The following ANKRD13B variants were observed in gnomAD, a reference collection of about 807,000 sequenced individuals.
ANKRD13B encodes ankyrin repeat domain 13B.
In ANKRD13B, 33 loss-of-function variants were observed where a neutral mutation model predicts 74.4. The observed-to-expected ratio is 0.44, with a 90% CI of 0.34 to 0.59. ANKRD13B has a LOEUF of 0.59. Ranked by LOEUF, ANKRD13B falls within the 20% of genes least tolerant of loss-of-function variation. The pLI, the probability that ANKRD13B is intolerant of heterozygous loss-of-function variation, is 0.02. For synonymous variants in ANKRD13B, 341 were observed against 362.9 expected (o/e 0.94, Z 0.68); for missense variants, 676 against 877.9 (o/e 0.77, Z 2.91).
intron 8 of ANKRD13B, 96 bp downstream of exon 8, chr17:29,610,862 G>C: frequency 8.2e-7 from 1 of 1,216,840 alleles, no homozygotes; most frequent in South Asian, 1.4e-5. Context: ...TGGCATCCTA[G>C]CAAGAGGCTG....
intron 1 of ANKRD13B, among the ~76,000 whole-genome samples, chr17:29,597,759 T>C (rs1265000842): frequency 6.6e-6 from 1 of 152,098 alleles, no homozygotes; most frequent in African/African-American, 2.4e-5. Flanking sequence ...GGAGCTTGGC[T>C]GAGTGTATGG....
rs1403646075 is a variant in ANKRD13B at position 29,611,614 on chromosome 17, G to A, written c.940G>A (p.Ala314Thr). Residue 314 changes from alanine (A) to threonine (T), a missense_variant, in exon 9 of 15, where the codon GCT becomes ACT. Around this residue, in one of 4 missense-constraint regions of ANKRD13B, gnomAD observed 328 missense variants for 518.4 expected, o/e 0.63. Coordinates refer to ENST00000394859, the MANE Select transcript of ANKRD13B (RefSeq NM_152345.5). This position sits in a 1 kb window ranked among gnomAD's most constrained non-coding sequence, Gnocchi z 4.3. ...ACCTTTGCAGTCCTTCCTGGGAATC[G>A]CTGAGCAGCACGGGGGCCCCCAAAA... ...KTPLQSFLGI[A>T]EQHGGPQNGT... is the part of the protein sequence containing the mutation. 6.2e-6 allele frequency: 10 copies of A among 1,614,184 alleles called. No individual in the cohort carries two copies. The highest frequency in any genetic ancestry group is 2.2e-5 in the South Asian group (2 of 91,086).
At chr17:29,606,361 C>G (rs1167552172) in intron 1 of ANKRD13B, among the ~76,000 whole-genome samples, 2 of 151,732 alleles carry the variant, frequency 1.3e-5, no homozygotes, top group African/African-American at 4.8e-5. Flanking sequence ...GAGTTAGAGA[C>G]CAGCCTGGGC....
rs1467585104 is a variant in ANKRD13B at position 29,609,166 on chromosome 17, CG to C, written c.649del (p.Glu217SerfsTer15). On this transcript the variant is annotated frameshift_variant, in exon 6 of 15. Transcript: ENST00000394859. LOFTEE classifies it high-confidence loss of function. The surrounding 1 kb of genome is among the most constrained non-coding windows in gnomAD (Gnocchi z 4.0). ...TETLALAGQD[R>X]ELLLAAAQPT... ...GACTCTGGCACTGGCTGGGCAGGAC[CG>C]GGAGCTGCTGCTGGCTGCTGCTCAG... 2 of 1,612,390 alleles carry C rather than the reference CG, an allele frequency of 1.2e-6. No homozygotes were observed. The highest frequency in any genetic ancestry group is 1.7e-6 in the Non-Finnish European group (2 of 1,180,020).
intron 1 of ANKRD13B, among the ~76,000 whole-genome samples, chr17:29,595,346 G>A (rs2033916859): frequency 6.6e-6 from 1 of 152,242 alleles, no homozygotes; most frequent in Admixed American, 6.5e-5. Flanking sequence ...AGCAAAAGAA[G>A]ACAAGCCTCA....
rs1229049099 is a variant in ANKRD13B at position 29,612,431 on chromosome 17, C to T, written c.1288C>T (p.Arg430Cys). The change falls in exon 12 of 15, where the codon CGC becomes TGC. Residue 430 changes from arginine (R) to cysteine (C), a missense_variant. Transcript: ENST00000394859. The surrounding 1 kb of genome is among the most constrained non-coding windows in gnomAD (Gnocchi z 6.1). ...CCCGATCTTCCACATCCTCAACGCCCGCATCACCTTCGGGAACCTCAACGG... is the reference window on the plus strand; with the variant it reads ...CCCGATCTTCCACATCCTCAACGCCTGCATCACCTTCGGGAACCTCAACGG... Reference protein sequence around the residue: ...EIPIFHILNARITFGNLNGCD... With the variant: ...EIPIFHILNACITFGNLNGCD... 3 of 1,611,094 alleles carry T rather than the reference C, an allele frequency of 1.9e-6. No individual in the cohort carries two copies. Among genetic ancestry groups the T allele is most frequent in the Non-Finnish European group, 1.7e-6 (2 of 1,178,794 alleles).
intron 1 of ANKRD13B, among the ~76,000 whole-genome samples, chr17:29,594,241 C>T (rs538454168): frequency 1.3e-5 from 2 of 152,224 alleles, no homozygotes; most frequent in Non-Finnish European, 2.9e-5. Context: ...ATCCTTGGAT[C>T]TCTCAGAGCC....
At position 29,596,651 on chromosome 17, in the gene ANKRD13B, C is replaced by T. The variant is rs748892667; in HGVS notation, c.114+2916C>T. Among the ~76,000 whole-genome samples, 5 of 152,302 alleles carry T rather than the reference C, an allele frequency of 3.3e-5. No individual in the cohort carries two copies. In the South Asian group the frequency reaches 6.2e-4, roughly 19 times the overall value. On this transcript the variant is annotated intron_variant, in intron 1 of 14. Transcript: ENST00000394859. ...AGAATCATTTTCCTTCTCCCTGGGG[C>T]GTTCTCCACCGTGGGCTTGCTTCCT...
intron 1 of ANKRD13B, among the ~76,000 whole-genome samples, chr17:29,607,306 G>A (rs2034423927): frequency 6.6e-6 from 1 of 152,170 alleles, no homozygotes. Flanking sequence ...GATCTAAATT[G>A]GTAGCTCTTC....
intron 1 of ANKRD13B, among the ~76,000 whole-genome samples, chr17:29,599,896 A>C (rs1490754207): frequency 2.4e-4 from 1 of 4,170 alleles, no homozygotes; most frequent in Non-Finnish European, 5.0e-4. Context: ...TTTTTTTTTG[A>C]TACGGAGTCT....
intron 1 of ANKRD13B, among the ~76,000 whole-genome samples, chr17:29,603,597 A>G (rs1301394403): frequency 6.6e-6 from 1 of 152,140 alleles, no homozygotes; most frequent in Admixed American, 6.5e-5. Context: ...CAGTTTGGAA[A>G]GTTCTATTGC....
chr17:29,614,190 T>C lies in ANKRD13B; in HGVS notation c.*608T>C, dbSNP rs1054723773. ...TCCTGGGTCTCAGGGTGGTTCCAGCTTCTCCTTGGGCAGCCAGAAGTTGGA... is the reference window on the plus strand; with the variant it reads ...TCCTGGGTCTCAGGGTGGTTCCAGCCTCTCCTTGGGCAGCCAGAAGTTGGA... On this transcript the variant is annotated 3_prime_UTR_variant, in exon 15 of 15. Coordinates refer to ENST00000394859, the MANE Select transcript of ANKRD13B (RefSeq NM_152345.5). 2 of 149,670 alleles carry C rather than the reference T, an allele frequency of 1.3e-5. No individual in the cohort carries two copies. The highest frequency in any genetic ancestry group is 3.0e-5 in the Non-Finnish European group (2 of 67,722). 9.3% of individuals were successfully genotyped at this position (149,670 alleles called of 1,614,324 possible).
chr17:29,606,941 T>C (rs1217889074), intron 1 of ANKRD13B, among the ~76,000 whole-genome samples: 1 of 151,836 alleles, frequency 6.6e-6, no homozygotes, highest in African/African-American at 2.4e-5. Flanking sequence ...TCCCAGCTAC[T>C]TGGGAGGCTG....
At position 29,613,694 on chromosome 17, in the gene ANKRD13B, GCC is replaced by G. The variant is rs1299703583; in HGVS notation, c.*113_*114del. 1.1e-5 allele frequency: 15 copies of G among 1,361,942 alleles called. No individual in the cohort carries two copies. The East Asian group carries it at 4.3e-4, about 39-fold the overall frequency. The allele number at this position is 1,361,942 out of a possible 1,614,324, so 84.4% of individuals were successfully genotyped here. ...GCGGCGGCTGGAGACTGGAGCCACCGCCTCGCGGGTGCAGCAGCACAGCAGGC... is the reference window on the plus strand; with the variant it reads ...GCGGCGGCTGGAGACTGGAGCCACCGTCGCGGGTGCAGCAGCACAGCAGGC... On this transcript the variant is annotated 3_prime_UTR_variant, in exon 15 of 15. Transcript: ENST00000394859.
intron 1 of ANKRD13B, among the ~76,000 whole-genome samples, chr17:29,597,112 G>C (rs1165658421): frequency 6.6e-6 from 1 of 152,234 alleles, no homozygotes; most frequent in Non-Finnish European, 1.5e-5. Flanking sequence ...GGCTGAGCAG[G>C]CACCACCTTG....
chr17:29,595,502 C>T (rs572421198), intron 1 of ANKRD13B, among the ~76,000 whole-genome samples: 2 of 152,278 alleles, frequency 1.3e-5, no homozygotes, highest in South Asian at 4.1e-4. Flanking sequence ...GGAGAAAAGA[C>T]TTCTCCAGCA....
At chr17:29,594,355 C>A (rs1221287491) in intron 1 of ANKRD13B, among the ~76,000 whole-genome samples, 1 of 152,166 alleles carries the variant, frequency 6.6e-6, no homozygotes, top group East Asian at 1.9e-4. Flanking sequence ...GGTGCTGGGG[C>A]CTGGTTTCTA....
chr17:29,607,925 A>G (rs780567196), intron 2 of ANKRD13B, 48 bp downstream of exon 2: 11 of 1,577,602 alleles, frequency 7.0e-6, no homozygotes, highest in African/African-American at 6.8e-5. Context: ...CCTCCCCAGC[A>G]TCATAGACCT....
rs1280672314 is a variant in ANKRD13B, at chr17:29,593,417, CCGCCGCCTCGCGAGGACGCCCGTCGCCCG to C, written c.-197_-169del. 1.4e-5 allele frequency: 2 copies of C among 146,652 alleles called. No homozygotes were observed. Among genetic ancestry groups the C allele is most frequent in the Non-Finnish European group, 3.0e-5 (2 of 65,920 alleles). 9.1% of individuals were successfully genotyped at this position (146,652 alleles called of 1,614,324 possible). A position where few individuals can be genotyped will look rare whatever the true frequency, so the allele number is the denominator to read the frequency against. On this transcript the variant is annotated 5_prime_UTR_variant, in exon 1 of 15. The change creates a premature stop within an existing upstream ORF in the 5' untranslated region. Transcript: ENST00000394859. ...GGGGGCCTCTCCGCGCCGCCCGCCGCCGCCGCCTCGCGAGGACGCCCGTCGCCCGCGCCGCCCGCACCGCGCCGGGCGCG... is the reference window on the plus strand; with the variant it reads ...GGGGGCCTCTCCGCGCCGCCCGCCGCCGCCGCCCGCACCGCGCCGGGCGCG...
Sources: allele counts gnomAD v4.1 joint callset (sites outside exome capture counted in the v4.1 genomes callset), GRCh38; gene constraint gnomAD v4.1.1; regional missense constraint gnomAD v4.1.1; non-coding constraint Gnocchi (gnomAD v3.1); transcripts MANE v1.5; gene names NCBI Gene and HGNC (gene_info 2026-07-23, HGNC 2026-07-21).